Variants in PENK observed in about 807,000 individuals in gnomAD.
The protein encoded by PENK is proenkephalin-A.
A neutral mutation model predicts 24.1 loss-of-function variants in PENK; 25 were observed. That is an observed-to-expected ratio of 1.04 (90% CI 0.76 to 1.45). The LOEUF is 1.45. Among genes scored for constraint, PENK ranks in the 40% most tolerant of loss-of-function variants. The pLI, the probability that PENK is intolerant of heterozygous loss-of-function variation, is 0.00. For missense variants in PENK, 353 were observed against 337.9 expected, an observed-to-expected ratio of 1.04 and a Z score of -0.35; for synonymous variants, 135 against 130.3, an observed-to-expected ratio of 1.04 and a Z score of -0.24.
intron 3 of PENK, chr8:56,443,832 T>C (rs545441941): frequency 3.6e-6 from 2 of 557,872 alleles, no homozygotes; most frequent in Admixed American, 5.9e-5. Flanking sequence ...CAAAATGCCT[T>C]TCTATAAGAC....
At chr8:56,445,029 T>C (rs1355623488) in intron 3 of PENK, among the ~76,000 whole-genome samples, 1 of 152,008 alleles carries the variant, frequency 6.6e-6, no homozygotes, top group Non-Finnish European at 1.5e-5. Context: ...TGTCCTCAGC[T>C]TTTTCTTTCC....
chr8:56,441,295 A>T lies in PENK; in HGVS notation c.781T>A (p.Tyr261Asn). 3 of 1,606,156 alleles carry T rather than the reference A, an allele frequency of 1.9e-6. No homozygotes were observed. The highest frequency in any genetic ancestry group is 1.3e-5 in the African/African-American group (1 of 74,434). Residue 261 changes from tyrosine (Y) to asparagine (N), a missense_variant, in exon 4 of 4, where the codon TAC becomes AAC. Transcript: ENST00000451791. ...TATTAAAATCTCATAAATCCTCCGT[A>T]TCTTTTTTCCATTTCAGGAACTTCT... ...SKEVPEMEKRYGGFMRF is the reference protein window; with the variant it reads ...SKEVPEMEKRNGGFMRF
chr8:56,441,750 C>T lies in PENK; in HGVS notation c.326G>A (p.Gly109Asp). The T allele has an allele frequency of 1.9e-6, 3 of 1,609,452 alleles. No individual in the cohort carries two copies. Among genetic ancestry groups the T allele is most frequent in the Non-Finnish European group, 2.5e-6 (3 of 1,179,752 alleles). ...RYGGFMKRYG[G>D]FMKKMDELYP... ...AAGCTCATCCATTTTCTTCATGAAG[C>T]CTCCATACCTTTTCATGAAGCCCCC... is the stretch of plus-strand genomic sequence containing the variant. The change falls in exon 4 of 4, where the codon GGC (glycine) becomes GAC (aspartate). Residue 109 changes from glycine (G) to aspartate (D), a missense_variant. Physicochemically the swap from Gly to Asp is moderately conservative, Grantham distance 94. Transcript: ENST00000451791.
intron 3 of PENK, 63 bp downstream of exon 3, chr8:56,445,753 C>A (rs934199391): frequency 6.2e-7 from 1 of 1,606,728 alleles, no homozygotes. Flanking sequence ...GGAGGCAGTC[C>A]GCGTACTGTT....
intron 3 of PENK, 124 bp downstream of exon 3, chr8:56,445,692 C>T (rs3808634): frequency 0.27 from 344,209 of 1,267,916 alleles, 48,392 homozygotes; most frequent in Admixed American, 0.35. Context: ...GGGCTCGCGC[C>T]GCTGCGGCTC....
Position 56,441,939 on chromosome 8 carries a change from TG to T in PENK, c.139-3del, listed in dbSNP as rs1424688514. On this transcript the variant is annotated splice_polypyrimidine_tract_variant and splice_region_variant and intron_variant, in intron 3 of 3. Transcript: ENST00000451791. ...ACCTTCACATTCCATTACGCAAGCC[TG>T]GGAAAACAATTTGATGTAATGATAA... 1 of 1,596,290 alleles carries T rather than the reference TG, an allele frequency of 6.3e-7. No individual in the cohort carries two copies. Among genetic ancestry groups the T allele is most frequent in the Non-Finnish European group, 8.5e-7 (1 of 1,171,676 alleles).
At chr8:56,444,859 A>G (rs1477114323) in intron 3 of PENK, among the ~76,000 whole-genome samples, 1 of 152,254 alleles carries the variant, frequency 6.6e-6, no homozygotes, top group Non-Finnish European at 1.5e-5. Context: ...TTAAGTCACC[A>G]TAAAATTTCA....
intron 3 of PENK, among the ~76,000 whole-genome samples, chr8:56,442,287 T>C (rs1187901717): frequency 2.0e-5 from 3 of 152,242 alleles, no homozygotes; most frequent in Non-Finnish European, 2.9e-5. Flanking sequence ...CCACTTCTGA[T>C]ATAATTTTGT....
Position 56,441,320 on chromosome 8 carries a change from T to G in PENK, c.756A>C (p.Lys252Asn). ...ATCTTTTTTCCATTTCAGGAACTTC[T>G]TTGGAGTAACTTTCGCCTTCTTCGT... ...PSDEEGESYS[K>N]EVPEMEKRYG... The change falls in exon 4 of 4, where the codon AAA becomes AAC. Residue 252 changes from lysine (K) to asparagine (N), a missense_variant. Physicochemically the swap from Lys to Asn is moderately conservative, Grantham distance 94. Coordinates refer to ENST00000451791, the MANE Select transcript of PENK (RefSeq NM_001135690.3). 6.2e-7 allele frequency: 1 copy of G among 1,612,144 alleles called. No individual in the cohort carries two copies. Among genetic ancestry groups the G allele is most frequent in the Non-Finnish European group, 8.5e-7 (1 of 1,179,404 alleles).
chr8:56,445,007 T>C (rs544607398), intron 3 of PENK, among the ~76,000 whole-genome samples: 1 of 152,306 alleles, frequency 6.6e-6, no homozygotes, highest in East Asian at 1.9e-4. Context: ...ATGATCAGAA[T>C]GAAAGTTATT....
rs781727941 is a variant in PENK at position 56,441,932 on chromosome 8, G to A, written c.144C>T (p.Cys48=). ...VRPADINFLA[C]VMECEGKLPS... ...GCAGTTTACCTTCACATTCCATTAC[G>A]CAAGCCTGGGAAAACAATTTGATGT... Residue 48 remains cysteine, a synonymous_variant, in exon 4 of 4, where the codon TGC becomes TGT. Coordinates refer to ENST00000451791, the MANE Select transcript of PENK (RefSeq NM_001135690.3). 14 of 1,603,592 alleles carry A rather than the reference G, an allele frequency of 8.7e-6. No individual in the cohort carries two copies. Among genetic ancestry groups the A allele is most frequent in the South Asian group, 2.2e-5 (2 of 89,930 alleles).
rs1433229509 is a variant in PENK at position 56,446,046 on chromosome 8, G to C, written c.-3-90C>G. The C allele has an allele frequency of 5.7e-6, 8 of 1,401,462 alleles. No individual in the cohort carries two copies. In the African/African-American group the frequency reaches 1.0e-4, roughly 18 times the overall value. The allele number at this position is 1,401,462 out of a possible 1,614,324, so 86.8% of individuals were successfully genotyped here. Reference sequence around the variant, plus strand: ...ACCCTCGCCGCGACAGCCTCAGCAGGGGATCGTCGAGCAAAAGCCCGCAGG... The same window carrying C: ...ACCCTCGCCGCGACAGCCTCAGCAGCGGATCGTCGAGCAAAAGCCCGCAGG... On this transcript the variant is annotated intron_variant, in intron 2 of 3. Transcript: ENST00000451791.
chr8:56,441,962 A>T (rs1563486113), intron 3 of PENK, 25 bp from the exon 4 acceptor site: 1 of 1,561,536 alleles, frequency 6.4e-7, no homozygotes, highest in Non-Finnish European at 8.7e-7. Context: ...TGATGTAATG[A>T]TAAAAAGAAG....
At chr8:56,442,328 T>C (rs1335369807) in intron 3 of PENK, among the ~76,000 whole-genome samples, 2 of 152,188 alleles carry the variant, frequency 1.3e-5, no homozygotes, top group African/African-American at 2.4e-5. Context: ...AAGGAGAAAT[T>C]TTTATTTACC....
chr8:56,441,978 G>A, intron 3 of PENK, 41 bp from the exon 4 acceptor site: 1 of 1,508,998 alleles, frequency 6.6e-7, no homozygotes, highest in Non-Finnish European at 9.0e-7. Context: ...AGAAGCTTCT[G>A]TGATTTCATT....
chr8:56,442,911 A>T (rs938190356), intron 3 of PENK, among the ~76,000 whole-genome samples: 3 of 152,110 alleles, frequency 2.0e-5, no homozygotes, highest in African/African-American at 7.2e-5. Flanking sequence ...TCACTTGGGT[A>T]TGATAAAGAG....
rs1309188429 is a variant in PENK, at chr8:56,441,076, A to T, written c.*196T>A. 1.1e-5 allele frequency: 6 copies of T among 525,870 alleles called. No individual in the cohort carries two copies. Among genetic ancestry groups the T allele is most frequent in the Non-Finnish European group, 2.0e-5 (6 of 297,448 alleles). The allele number at this position is 525,870 out of a possible 1,614,324, so 32.6% of individuals were successfully genotyped here. On this transcript the variant is annotated 3_prime_UTR_variant, in exon 4 of 4. Transcript: ENST00000451791. ...AGCATGAAAACGAGATAGCTGCAAT[A>T]GACTAATACTGAGCTTAAAGACTCC...
chr8:56,443,693 CAT>C (rs530027410), intron 3 of PENK: 156 of 369,692 alleles, frequency 4.2e-4, no homozygotes, highest in African/African-American at 2.8e-3. Context: ...TCGTTTCTCA[CAT>C]GTCTTTTGCA....
Position 56,445,777 on chromosome 8 carries a change from C to T in PENK, c.138+39G>A, listed in dbSNP as rs773284471. ...CCGCGTACTGTTGCGGAAACTCTGT[C>T]TCACAAGGTGCGCAACACTCGCCGC... is the stretch of plus-strand genomic sequence containing the variant. On this transcript the variant is annotated intron_variant, in intron 3 of 3. Transcript: ENST00000451791. 3.1e-6 allele frequency: 5 copies of T among 1,612,960 alleles called. No homozygotes were observed. The South Asian group carries it at 3.3e-5, about 11-fold the overall frequency.
Sources: allele counts gnomAD v4.1 joint callset (sites outside exome capture counted in the v4.1 genomes callset), GRCh38; gene constraint gnomAD v4.1.1; transcripts MANE v1.5; gene names NCBI Gene and HGNC (gene_info 2026-07-23, HGNC 2026-07-21).